STARD8: variants seen among roughly 807,000 people sequenced by gnomAD.
STARD8 encodes StAR related lipid transfer domain containing 8.
In STARD8, 25 loss-of-function variants were observed where a neutral mutation model predicts 69.4. The ratio of observed to expected loss-of-function variants is 0.36; its 90% CI spans 0.26 to 0.50. The LOEUF is 0.50. Ranked by LOEUF, STARD8 falls within the 20% of genes least tolerant of loss-of-function variation. The pLI is 0.96. For synonymous variants in STARD8, 389 were observed against 374.6 expected (o/e 1.04, Z -0.45); for missense variants, 921 against 932.5 (o/e 0.99, Z 0.16).
At chrX:68,697,901 C>G (rs185834350) in intron 2 of STARD8, among the ~76,000 whole-genome samples, 1 of 112,473 alleles carries the variant, frequency 8.9e-6, no homozygotes, top group African/African-American at 3.2e-5. Flanking sequence ...GGCTCCTGCT[C>G]TTGGGCTGTC....
At chrX:68,699,880 GCT>G in intron 2 of STARD8, among the ~76,000 whole-genome samples, 1 of 112,250 alleles carries the variant, frequency 8.9e-6, no homozygotes, top group East Asian at 2.8e-4. Context: ...GGTCCAGCCA[GCT>G]CTCACGATTG....
chrX:68,661,848 G>T (rs182486219), intron 1 of STARD8, among the ~76,000 whole-genome samples: 1 of 106,627 alleles, frequency 9.4e-6, no homozygotes, highest in Non-Finnish European at 1.9e-5. Context: ...ACTAACTCTG[G>T]TCTCCCTTTG....
At chrX:68,698,280 A>G (rs1278320924) in intron 2 of STARD8, among the ~76,000 whole-genome samples, 5 of 111,177 alleles carry the variant, frequency 4.5e-5, no homozygotes, top group African/African-American at 1.6e-4. Context: ...CCAGCATCAG[A>G]GTTAAAAAGG....
intron 8 of STARD8, 40 bp downstream of exon 8, chrX:68,720,463 G>A: frequency 1.8e-6 from 2 of 1,124,910 alleles, no homozygotes; most frequent in Non-Finnish European, 2.4e-6. Context: ...GATGGTGCAG[G>A]GGTGGGGTGG....
chrX:68,647,939 G>GCAAGCC lies in STARD8; in HGVS notation c.45+13_45+14insAAGCCC. 1.7e-6 allele frequency: 2 copies of GCAAGCC among 1,194,894 alleles called. No homozygotes were observed. The highest frequency in any genetic ancestry group is 3.7e-5 in the South Asian group (2 of 54,324). ...TCAGGAAGGTGAAGGTAAGTGACTG[G>GCAAGCC]CCAGCCCCAGCCCATCCCGCTGCTC... On this transcript the variant is annotated intron_variant, in intron 1 of 14. Coordinates refer to ENST00000374599, the MANE Select transcript of STARD8 (RefSeq NM_001142503.3).
intron 2 of STARD8, among the ~76,000 whole-genome samples, chrX:68,666,395 A>T (rs1253935476): frequency 8.9e-6 from 1 of 112,075 alleles, no homozygotes; most frequent in Non-Finnish European, 1.9e-5. Context: ...GACAGTTAGG[A>T]TTGGGGTTGC....
chrX:68,650,252 T>C (rs146075846), intron 1 of STARD8, among the ~76,000 whole-genome samples: 1,187 of 109,100 alleles, frequency 0.011, 16 homozygotes, highest in African/African-American at 0.038. Context: ...TGAGACCCTT[T>C]ATGAAAAATA....
intron 2 of STARD8, among the ~76,000 whole-genome samples, chrX:68,691,008 C>T (rs1035320687): frequency 3.6e-5 from 4 of 111,612 alleles, no homozygotes; most frequent in South Asian, 7.5e-4. Context: ...GCCATTTGTA[C>T]CCAGGCCATC....
chrX:68,711,222 G>GCA (rs60571538), intron 2 of STARD8, among the ~76,000 whole-genome samples: 3,930 of 101,605 alleles, frequency 0.039, 67 homozygotes, highest in African/African-American at 0.053. Flanking sequence ...ATGTATGCAT[G>GCA]CACACACACA....
chrX:68,661,949 T>TTCC (rs2079648992), intron 1 of STARD8, among the ~76,000 whole-genome samples: 1 of 65,890 alleles, frequency 1.5e-5, no homozygotes, highest in African/African-American at 1.2e-4. Flanking sequence ...CTCCTTCCTC[T>TTCC]CTCTCTCTCT....
chrX:68,720,357 G>T lies in STARD8; in HGVS notation c.1983G>T (p.Thr661=). ...GVPPLIHVQR[T]GQPLPQSIQQ... ...CACCCCTCATCCACGTGCAGCGCAC[G>T]GGCCAGCCACTGCCACAGAGCATTC... The change falls in exon 8 of 15, where the codon ACG becomes ACT. Residue 661 remains threonine (T), a synonymous_variant. Transcript: ENST00000374599. 8.3e-7 allele frequency: 1 copy of T among 1,204,015 alleles called. No homozygotes were observed. The highest frequency in any genetic ancestry group is 3.0e-5 in the East Asian group (1 of 33,320).
At chrX:68,687,160 C>T (rs1458257378) in intron 2 of STARD8, among the ~76,000 whole-genome samples, 1 of 109,602 alleles carries the variant, frequency 9.1e-6, no homozygotes, top group Non-Finnish European at 1.9e-5. Context: ...TCCCTACATC[C>T]CCCTATCACT....
rs763162437 is a variant in STARD8, at chrX:68,724,823, G to A, written c.*401G>A. 7.7e-5 allele frequency: 10 copies of A among 130,183 alleles called. No individual in the cohort carries two copies. Among genetic ancestry groups the A allele is most frequent in the Middle Eastern group, 3.2e-3 (1 of 314 alleles). 10.7% of individuals were successfully genotyped at this position (130,183 alleles called of 1,213,427 possible). On this transcript the variant is annotated 3_prime_UTR_variant, in exon 15 of 15. Transcript: ENST00000374599. ...CTCTGCCAGACTGAGAGGGCAAGCC[G>A]TCTTGTTTGCTGCAAGGATGCTTTT...
At chrX:68,702,210 G>C (rs769867078) in intron 2 of STARD8, among the ~76,000 whole-genome samples, 1 of 112,083 alleles carries the variant, frequency 8.9e-6, no homozygotes, top group African/African-American at 3.3e-5. Flanking sequence ...CCCAGCATAG[G>C]GCTTGGCACC....
intron 1 of STARD8, among the ~76,000 whole-genome samples, chrX:68,654,436 C>T (rs2079599080): frequency 8.9e-6 from 1 of 111,770 alleles, no homozygotes; most frequent in Non-Finnish European, 1.9e-5. Flanking sequence ...CATGGACAGA[C>T]AGTCGTGTGG....
intron 1 of STARD8, among the ~76,000 whole-genome samples, chrX:68,664,347 G>A (rs752883057): frequency 1.1e-4 from 12 of 111,717 alleles, no homozygotes; most frequent in Non-Finnish European, 1.5e-4. Flanking sequence ...CTTCCACCCT[G>A]GCTCTACAAT....
At chrX:68,697,800 T>A (rs1050090155) in intron 2 of STARD8, among the ~76,000 whole-genome samples, 1 of 112,007 alleles carries the variant, frequency 8.9e-6, no homozygotes, top group African/African-American at 3.2e-5. Flanking sequence ...GAGGGAGAGA[T>A]TCCCTCAGTG....
At chrX:68,698,427 T>C (rs776692122) in intron 2 of STARD8, among the ~76,000 whole-genome samples, 1 of 111,499 alleles carries the variant, frequency 9.0e-6, no homozygotes, top group Non-Finnish European at 1.9e-5. Flanking sequence ...CTGTTTTCAG[T>C]ACAGCTGTGG....
intron 2 of STARD8, among the ~76,000 whole-genome samples, chrX:68,705,983 T>G (rs2080003541): frequency 8.9e-6 from 1 of 112,344 alleles, no homozygotes; most frequent in South Asian, 3.7e-4. Flanking sequence ...GCTAAAAGAT[T>G]CAGTGGCTTG....
Sources: allele counts gnomAD v4.1 joint callset (sites outside exome capture counted in the v4.1 genomes callset), GRCh38; gene constraint gnomAD v4.1.1; transcripts MANE v1.5; gene names NCBI Gene and HGNC (gene_info 2026-07-23, HGNC 2026-07-21).